The following LCP1 variants were observed in gnomAD, a reference collection of about 807,000 sequenced individuals.
LCP1 encodes plastin-2.
In LCP1, 23 loss-of-function variants were observed where a neutral mutation model predicts 72.0. The ratio of observed to expected loss-of-function variants is 0.32; its 90% CI spans 0.23 to 0.45. The LOEUF (loss-of-function observed/expected upper bound fraction) is 0.45, where lower values mean the gene tolerates loss of function less well. LCP1 is among the 20% of genes least tolerant of loss of function. The pLI is 1.00. For missense variants in LCP1, 571 were observed against 748.3 expected (o/e 0.76, Z 2.76); for synonymous variants, 245 against 275.4 (o/e 0.89, Z 1.09).
intron 12 of LCP1, chr13:46,142,723 T>C (rs1339092580): frequency 2.0e-6 from 1 of 509,136 alleles, no homozygotes; most frequent in Non-Finnish European, 3.8e-6. Flanking sequence ...CTTAATTACC[T>C]ACATGTAATA....
At chr13:46,175,389 G>C (rs1042620387) in intron 1 of LCP1, among the ~76,000 whole-genome samples, 6 of 152,204 alleles carry the variant, frequency 3.9e-5, no homozygotes, top group African/African-American at 1.4e-4. Flanking sequence ...CCAGAGACTT[G>C]CTCAGCCTCC....
chr13:46,157,958 C>T (rs906638875), intron 4 of LCP1, among the ~76,000 whole-genome samples: 2 of 152,068 alleles, frequency 1.3e-5, no homozygotes, highest in African/African-American at 4.8e-5. Context: ...AACTCCTGAC[C>T]TCAGGTGATC....
intron 10 of LCP1, among the ~76,000 whole-genome samples, chr13:46,146,297 C>G (rs2045730519): frequency 6.6e-6 from 1 of 152,076 alleles, no homozygotes; most frequent in Non-Finnish European, 1.5e-5. Context: ...TATTAGTTGA[C>G]CTTTGTCTCA....
intron 13 of LCP1, among the ~76,000 whole-genome samples, chr13:46,136,753 T>TA (rs917179557): frequency 1.6e-4 from 24 of 151,980 alleles, no homozygotes; most frequent in Admixed American, 1.0e-3. Context: ...ACATCTGAAT[T>TA]AAAAAAAAGG....
Position 46,152,857 on chromosome 13 carries a change from G to C in LCP1, c.662C>G (p.Pro221Arg). 6.2e-7 allele frequency: 1 copy of C among 1,614,126 alleles called. No individual in the cohort carries two copies. The highest frequency in any genetic ancestry group is 1.1e-5 in the South Asian group (1 of 91,080). The change falls in exon 7 of 16, where the codon CCT becomes CGT. Residue 221 changes from proline to arginine, a missense_variant. Physicochemically the swap from Pro to Arg is moderately radical, Grantham distance 103. Coordinates refer to ENST00000323076, the MANE Select transcript of LCP1 (RefSeq NM_002298.5). ...CCACAGAAGTCCCAGGACCAGATAA[G>C]GCTTCCCCTCCTTCAGGTCCTCAGC... is the stretch of plus-strand genomic sequence containing the variant. ...IGAEDLKEGK[P>R]YLVLGLLWQV...
intron 15 of LCP1, 122 bp from the exon 16 acceptor site, chr13:46,127,845 G>C: frequency 1.7e-6 from 2 of 1,166,006 alleles, no homozygotes; most frequent in Non-Finnish European, 2.4e-6. Context: ...GCAGTGGCTG[G>C]AGTCAGTCAC....
At chr13:46,153,213 G>A in intron 6 of LCP1, 1 of 281,502 alleles carries the variant, frequency 3.6e-6, no homozygotes, top group East Asian at 7.2e-5. Context: ...TGAGACTGAT[G>A]AGGCCTATAT....
intron 10 of LCP1, 138 bp downstream of exon 10, chr13:46,146,770 C>T: frequency 1.2e-6 from 1 of 836,244 alleles, no homozygotes; most frequent in Admixed American, 2.1e-5. Context: ...TATTTATTCT[C>T]TTTGTTGCAT....
At position 46,126,199 on chromosome 13, in the gene LCP1, A is replaced by G. The variant is rs2045597086; in HGVS notation, c.*1392T>C. On this transcript the variant is annotated 3_prime_UTR_variant, in exon 16 of 16. Transcript: ENST00000323076. The stretch of plus-strand genomic sequence containing the variant: ...TTGCTTTGAAAAATGGCTAAGTTCC[A>G]TTACATACCACCACTAAAGAAGATA... 2 of 223,644 alleles carry G rather than the reference A, an allele frequency of 8.9e-6. No homozygotes were observed. The highest frequency in any genetic ancestry group is 4.5e-5 in the African/African-American group (2 of 44,790). 13.9% of individuals were successfully genotyped at this position (223,644 alleles called of 1,614,324 possible). A position where few individuals can be genotyped will look rare whatever the true frequency, so the allele number is the denominator to read the frequency against.
At chr13:46,152,418 T>TA (rs1488111234) in intron 7 of LCP1, among the ~76,000 whole-genome samples, 5 of 152,196 alleles carry the variant, frequency 3.3e-5, no homozygotes, top group African/African-American at 1.2e-4. Flanking sequence ...TTCACTATAG[T>TA]ATATGAATGT....
chr13:46,132,857 T>C (rs1382956986), intron 14 of LCP1, among the ~76,000 whole-genome samples: 1 of 152,132 alleles, frequency 6.6e-6, no homozygotes, highest in Non-Finnish European at 1.5e-5. Context: ...GGAAAGAGAT[T>C]TTCATTTTTT....
chr13:46,180,180 C>A (rs2045949704), intron 1 of LCP1, among the ~76,000 whole-genome samples: 1 of 152,202 alleles, frequency 6.6e-6, no homozygotes, highest in Admixed American at 6.5e-5. Flanking sequence ...CCCACCCCAA[C>A]TGCCCAGTGA....
Position 46,146,905 on chromosome 13 carries a change from T to C in LCP1, c.1174+3A>G. 6.2e-7 allele frequency: 1 copy of C among 1,614,090 alleles called. No individual in the cohort carries two copies. The highest frequency in any genetic ancestry group is 8.5e-7 in the Non-Finnish European group (1 of 1,179,960). On this transcript the variant is annotated splice_donor_region_variant and intron_variant, in intron 10 of 15. Coordinates refer to ENST00000323076, the MANE Select transcript of LCP1 (RefSeq NM_002298.5). ...CCATCTTAGGCAAATCGTTTACAGT[T>C]ACCTTCAAGAGCCCCCCAGTCAATG...
At chr13:46,164,208 T>C (rs958296632) in intron 1 of LCP1, among the ~76,000 whole-genome samples, 1 of 152,108 alleles carries the variant, frequency 6.6e-6, no homozygotes, top group Non-Finnish European at 1.5e-5. Context: ...TAGCGATAAA[T>C]ATAAGTAGAA....
chr13:46,157,741 C>CTTTTTTT (rs548259648), intron 4 of LCP1, among the ~76,000 whole-genome samples: 15 of 99,788 alleles, frequency 1.5e-4, no homozygotes, highest in Non-Finnish European at 1.8e-4. Context: ...CATGACTTAT[C>CTTTTTTT]TTTTTTTTTT....
intron 1 of LCP1, among the ~76,000 whole-genome samples, chr13:46,165,900 T>C (rs753045459): frequency 2.6e-5 from 4 of 151,818 alleles, no homozygotes; most frequent in Non-Finnish European, 5.9e-5. Context: ...TCTCAAGACG[T>C]TGGCCAAAAA....
Position 46,154,795 on chromosome 13 carries a change from G to A in LCP1, c.573+10C>T, listed in dbSNP as rs2045790520. On this transcript the variant is annotated intron_variant, in intron 6 of 15. Coordinates refer to ENST00000323076, the MANE Select transcript of LCP1 (RefSeq NM_002298.5). ...AAATCCTGTATTATGGTAACGGTGG[G>A]AAGACATACCTGAATGGTGAAAGGG... 4 of 1,607,822 alleles carry A rather than the reference G, an allele frequency of 2.5e-6. No homozygotes were observed. Among genetic ancestry groups the A allele is most frequent in the Non-Finnish European group, 3.4e-6 (4 of 1,174,456 alleles).
intron 2 of LCP1, chr13:46,159,193 TAA>T: frequency 3.5e-6 from 2 of 572,646 alleles, no homozygotes; most frequent in Non-Finnish European, 6.2e-6. Context: ...ACATCCACAG[TAA>T]AAGAGTCATA....
chr13:46,160,317 A>G (rs2045830127), intron 1 of LCP1, among the ~76,000 whole-genome samples: 1 of 152,224 alleles, frequency 6.6e-6, no homozygotes, highest in Admixed American at 6.5e-5. Flanking sequence ...AACCAAAAGA[A>G]CAGAGAAGAC....
Sources: gnomAD v4.1 joint callset for allele counts (sites outside exome capture counted in the v4.1 genomes callset) on GRCh38, gnomAD v4.1.1 for gene constraint, MANE v1.5 for transcripts, NCBI Gene and HGNC (gene_info 2026-07-23, HGNC 2026-07-21) for gene names.